PCDH15: variants seen among roughly 807,000 people sequenced by gnomAD.
The protein encoded by PCDH15 is protocadherin-15.
PCDH15 carries 129 observed loss-of-function variants against 178.5 expected under a neutral mutation model. The ratio of observed to expected loss-of-function variants is 0.72; its 90% CI spans 0.63 to 0.84. The LOEUF (loss-of-function observed/expected upper bound fraction) is 0.84. PCDH15 is among the 40% of genes least tolerant of loss of function. The probability of loss-of-function intolerance (pLI) is 0.00; values close to 1 mark genes in which losing one functional copy is unlikely to be tolerated. For missense variants in PCDH15, 2,230 were observed against 2,099.9 expected, an observed-to-expected ratio of 1.06 and a Z score of -1.21; for synonymous variants, 800 against 732.0, an observed-to-expected ratio of 1.09 and a Z score of -1.50.
At chr10:53,888,968 GA>G (rs962730072) in intron 26 of PCDH15, among the ~76,000 whole-genome samples, 4 of 147,468 alleles carry the variant, frequency 2.7e-5, no homozygotes, top group Non-Finnish European at 4.5e-5. Flanking sequence ...GTAGAGTGGA[GA>G]AAAAAAATGG....
intron 2 of PCDH15, among the ~76,000 whole-genome samples, chr10:54,580,257 A>G (rs76898137): frequency 0.013 from 1,963 of 152,184 alleles, 43 homozygotes; most frequent in African/African-American, 0.045. Context: ...AGAAGATCCA[A>G]ATAAGCCCAT....
chr10:54,409,962 AT>A lies in PCDH15; in HGVS notation c.158-31021del, dbSNP rs762137915. On this transcript the variant is annotated intron_variant, in intron 3 of 37. Coordinates refer to ENST00000644397, the MANE Select transcript of PCDH15 (RefSeq NM_001384140.1). ...CCAAGCCTCCAGAACCATAAGAAAT[AT>A]TTTTTTTCTTTATTAATTACCCAGT... Among the ~76,000 whole-genome samples the A allele has an allele frequency of 7.2e-5, 11 of 151,964 alleles. No individual in the cohort carries two copies. In the East Asian group the frequency reaches 9.7e-4, roughly 13 times the overall value.
At chr10:54,356,057 T>C (rs917494558) in intron 5 of PCDH15, among the ~76,000 whole-genome samples, 40 of 152,184 alleles carry the variant, frequency 2.6e-4, no homozygotes, top group African/African-American at 8.7e-4. Context: ...CCCCACAATA[T>C]AGCTTTAATA....
intron 2 of PCDH15, among the ~76,000 whole-genome samples, chr10:55,094,818 T>C (rs1008147082): frequency 6.6e-6 from 1 of 152,054 alleles, no homozygotes; most frequent in African/African-American, 2.4e-5. Flanking sequence ...AACCCAGTAA[T>C]TGGGAATTAT....
chr10:55,328,235 T>C (rs1844086788), intron 2 of PCDH15, among the ~76,000 whole-genome samples: 1 of 151,618 alleles, frequency 6.6e-6, no homozygotes, highest in South Asian at 2.1e-4. Flanking sequence ...GACAAAACTA[T>C]ATATATATAG....
At chr10:54,134,034 C>CTTTATTTATTTA (rs141155149) in intron 14 of PCDH15, among the ~76,000 whole-genome samples, 4 of 134,294 alleles carry the variant, frequency 3.0e-5, no homozygotes, top group African/African-American at 1.0e-4. Flanking sequence ...GGATGAGAAT[C>CTTTATTTATTTA]TTTATTTATT....
chr10:54,728,939 G>C (rs1221162833), intron 1 of PCDH15, among the ~76,000 whole-genome samples: 1 of 151,394 alleles, frequency 6.6e-6, no homozygotes, highest in African/African-American at 2.4e-5. Flanking sequence ...CAAACAAATG[G>C]AAATACATAC....
chr10:53,847,478 C>T (rs1005893356), intron 28 of PCDH15, among the ~76,000 whole-genome samples: 4 of 152,040 alleles, frequency 2.6e-5, no homozygotes, highest in Admixed American at 1.3e-4. Context: ...CTACCCAGAC[C>T]ATATCCTAAG....
At chr10:54,231,917 C>T (rs570641197) in intron 9 of PCDH15, among the ~76,000 whole-genome samples, 4 of 152,146 alleles carry the variant, frequency 2.6e-5, no homozygotes, top group African/African-American at 4.8e-5. Flanking sequence ...TTTTCAGGCT[C>T]ATAGGCGGAA....
intron 13 of PCDH15, 61 bp downstream of exon 13, chr10:54,183,383 T>TC: frequency 7.0e-7 from 1 of 1,430,592 alleles, no homozygotes; most frequent in Non-Finnish European, 9.9e-7. Context: ...CATGAGCATA[T>TC]CGTATAATGC....
At chr10:54,353,561 A>T (rs533908844) in intron 5 of PCDH15, among the ~76,000 whole-genome samples, 2 of 151,810 alleles carry the variant, frequency 1.3e-5, no homozygotes, top group Middle Eastern at 6.8e-3. Flanking sequence ...GCTGCTTTTG[A>T]CTTCAATCAA....
At chr10:55,328,842 T>C (rs1225309334) in intron 2 of PCDH15, among the ~76,000 whole-genome samples, 1 of 148,298 alleles carries the variant, frequency 6.7e-6, no homozygotes, top group Non-Finnish European at 1.5e-5. Flanking sequence ...TTATATGAAG[T>C]TCTTGAGCAT....
intron 15 of PCDH15, among the ~76,000 whole-genome samples, chr10:54,131,089 G>C (rs928593648): frequency 6.6e-6 from 1 of 152,092 alleles, no homozygotes; most frequent in Non-Finnish European, 1.5e-5. Context: ...CTTTGTACCA[G>C]AGAAATTTGA....
chr10:54,935,738 C>T (rs996318261), intron 2 of PCDH15, among the ~76,000 whole-genome samples: 1 of 151,922 alleles, frequency 6.6e-6, no homozygotes, highest in African/African-American at 2.4e-5. Flanking sequence ...CCACATAATT[C>T]CTTTCTATTA....
At chr10:55,249,541 C>T (rs952532233) in intron 1 of PCDH15, among the ~76,000 whole-genome samples, 1 of 151,958 alleles carries the variant, frequency 6.6e-6, no homozygotes, top group African/African-American at 2.4e-5. Context: ...AAAGCAAAGA[C>T]CCAGTAAAAA....
intron 3 of PCDH15, among the ~76,000 whole-genome samples, chr10:54,838,680 C>T (rs897274301): frequency 7.2e-5 from 11 of 152,248 alleles, no homozygotes; most frequent in Admixed American, 3.3e-4. Context: ...TACAAACCTA[C>T]GCAGCTGCAG....
chr10:54,496,311 G>GT lies in PCDH15; in HGVS notation c.157+31500dup, dbSNP rs375453668. On this transcript the variant is annotated intron_variant, in intron 3 of 37. Coordinates refer to ENST00000644397, the MANE Select transcript of PCDH15 (RefSeq NM_001384140.1). Reference sequence around the variant, plus strand: ...CTGGAGAGGAAGTCCTTTGGAGAGAGTTTTGTTTTCTTTATGTAGACACCA... The same window carrying GT: ...CTGGAGAGGAAGTCCTTTGGAGAGAGTTTTTGTTTTCTTTATGTAGACACCA... Among the ~76,000 whole-genome samples the GT allele has an allele frequency of 3.2e-3, 485 of 152,204 alleles. 1 individual carries two copies. The highest frequency in any genetic ancestry group is 0.011 in the African/African-American group (459 of 41,554).
rs74134799 is a variant in PCDH15 at position 53,824,841 on chromosome 10, A to T, written c.4367+2552T>A. ...ATAGGTTTCTATTTATAGATTTGTAAATTTTAAGTTCTTAAAATTTAAGAA... is the reference window on the plus strand; with the variant it reads ...ATAGGTTTCTATTTATAGATTTGTATATTTTAAGTTCTTAAAATTTAAGAA... On this transcript the variant is annotated intron_variant, in intron 32 of 37. Transcript: ENST00000644397. Among the ~76,000 whole-genome samples the T allele has an allele frequency of 0.021, 3,177 of 152,050 alleles. 114 individuals carry two copies. Among genetic ancestry groups the T allele is most frequent in the African/African-American group, 0.071 (2,952 of 41,418 alleles).
intron 2 of PCDH15, among the ~76,000 whole-genome samples, chr10:55,065,223 G>C (rs932176067): frequency 6.6e-6 from 1 of 151,962 alleles, no homozygotes; most frequent in Non-Finnish European, 1.5e-5. Context: ...CTATAGCTCT[G>C]ATCTTATCTC....
Sources: gnomAD v4.1 joint callset for allele counts (sites outside exome capture counted in the v4.1 genomes callset) on GRCh38, gnomAD v4.1.1 for gene constraint, MANE v1.5 for transcripts, NCBI Gene and HGNC (gene_info 2026-07-23, HGNC 2026-07-21) for gene names.